The following SCUBE1 variants were observed in gnomAD, a reference collection of about 807,000 sequenced individuals.
SCUBE1 encodes signal peptide, CUB and EGF-like domain-containing protein 1.
Under a neutral mutation model 124.4 loss-of-function variants are expected in SCUBE1, and 59 were observed. The observed-to-expected ratio is 0.47, with a 90% CI of 0.38 to 0.59. The LOEUF is 0.59. SCUBE1 is among the 20% of genes least tolerant of loss of function. The pLI is 0.00. For missense variants in SCUBE1, 1,150 were observed against 1,371.2 expected (o/e 0.84, Z 2.55); for synonymous variants, 545 against 550.9 (o/e 0.99, Z 0.15).
At chr22:43,205,715 ACACT>A (rs1410461822) in intron 21 of SCUBE1, among the ~76,000 whole-genome samples, 1 of 52,776 alleles carries the variant, frequency 1.9e-5, no homozygotes, top group South Asian at 6.5e-4. Flanking sequence ...CACTCACCAC[ACACT>A]CACCCCCACA....
intron 3 of SCUBE1, among the ~76,000 whole-genome samples, chr22:43,311,497 T>C (rs561808916): frequency 6.6e-6 from 1 of 151,620 alleles, no homozygotes; most frequent in East Asian, 1.9e-4. Flanking sequence ...CTCGGCTCAT[T>C]GCAACCTCTG....
chr22:43,232,327 T>A (rs1922588072), intron 7 of SCUBE1: 1 of 166,920 alleles, frequency 6.0e-6, no homozygotes, highest in Non-Finnish European at 1.3e-5. Flanking sequence ...GTCTCCTGCT[T>A]GCAGAGCGAG....
chr22:43,282,822 A>C (rs987615597), intron 4 of SCUBE1: 3 of 151,882 alleles, frequency 2.0e-5, no homozygotes, highest in Non-Finnish European at 2.9e-5. Flanking sequence ...CAGCTTCCCA[A>C]GTAGCTGGGA....
chr22:43,339,293 C>CCCAGGGCA, intron 1 of SCUBE1, 58 bp from the exon 2 acceptor site: 1 of 1,574,476 alleles, frequency 6.4e-7, no homozygotes, highest in South Asian at 1.1e-5. Flanking sequence ...GGCAGGTGGC[C>CCCAGGGCA]GATAGTGTAG....
In SCUBE1 at chr22:43,258,146, C is replaced by A. The variant is rs1378229984; in HGVS notation, c.727+73G>T. On this transcript the variant is annotated intron_variant, in intron 6 of 21. Coordinates refer to ENST00000360835, the MANE Select transcript of SCUBE1 (RefSeq NM_173050.5). This position sits in a 1 kb window ranked among gnomAD's most constrained non-coding sequence, Gnocchi z 5.0. ...GAACCCGGACGTGGCAGGGTGCTGG[C>A]CCTGCTGGTGCACGCATGGGGGGTC... 3 of 1,038,940 alleles carry A rather than the reference C, an allele frequency of 2.9e-6. No individual in the cohort carries two copies. The highest frequency in any genetic ancestry group is 4.5e-6 in the Non-Finnish European group (3 of 667,580). 64.4% of individuals were successfully genotyped at this position (1,038,940 alleles called of 1,614,324 possible). A position where few individuals can be genotyped will look rare whatever the true frequency, so the allele number is the denominator to read the frequency against.
intron 2 of SCUBE1, among the ~76,000 whole-genome samples, chr22:43,323,353 T>C (rs749854040): frequency 1.2e-4 from 18 of 152,070 alleles, no homozygotes; most frequent in Non-Finnish European, 2.6e-4. Flanking sequence ...ACCCTCAACC[T>C]ATCCATTCAA....
At chr22:43,269,242 C>G (rs1924196714) in intron 4 of SCUBE1, among the ~76,000 whole-genome samples, 1 of 152,164 alleles carries the variant, frequency 6.6e-6, no homozygotes, top group Admixed American at 6.5e-5. Flanking sequence ...CTCTGACAGG[C>G]CCTGGCAGCC....
chr22:43,206,586 G>C (rs1921292716), intron 21 of SCUBE1, among the ~76,000 whole-genome samples: 1 of 152,060 alleles, frequency 6.6e-6, no homozygotes, highest in Admixed American at 6.5e-5. Flanking sequence ...GGTCCGGGCA[G>C]GCCGCCCAGA....
chr22:43,324,267 A>G (rs1385075741), intron 2 of SCUBE1, among the ~76,000 whole-genome samples: 2 of 152,232 alleles, frequency 1.3e-5, no homozygotes, highest in Non-Finnish European at 2.9e-5. Context: ...TAGTCAATAA[A>G]ACAACTCTAG....
chr22:43,325,879 T>C (rs1049022988), intron 2 of SCUBE1, among the ~76,000 whole-genome samples: 3 of 151,484 alleles, frequency 2.0e-5, no homozygotes, highest in African/African-American at 7.3e-5. Context: ...CACAACCCCA[T>C]GGCTGTGCTT....
intron 6 of SCUBE1, among the ~76,000 whole-genome samples, chr22:43,245,366 G>C (rs1301595617): frequency 1.3e-5 from 2 of 152,234 alleles, no homozygotes; most frequent in South Asian, 2.1e-4. Context: ...TCAATCCTGA[G>C]ACCTGTCTGC....
chr22:43,296,722 G>A (rs1457493897), intron 3 of SCUBE1, among the ~76,000 whole-genome samples: 1 of 152,226 alleles, frequency 6.6e-6, no homozygotes, highest in African/African-American at 2.4e-5. Context: ...AACTGTATCT[G>A]TGATTGTGCC....
rs148466068 is a variant in SCUBE1, at chr22:43,278,909, G to A, written c.484+12137C>T. Reference sequence around the variant, plus strand: ...GGCCTGTCGAGGACACCTGAGCTGCGGGAGGGTGGGGCTGGGCCTCCTGAG... The same window carrying A: ...GGCCTGTCGAGGACACCTGAGCTGCAGGAGGGTGGGGCTGGGCCTCCTGAG... On this transcript the variant is annotated intron_variant, in intron 4 of 21. Transcript: ENST00000360835. Among the ~76,000 whole-genome samples the A allele has an allele frequency of 3.1e-3, 477 of 152,260 alleles. 2 individuals are homozygous for A. Among genetic ancestry groups the A allele is most frequent in the African/African-American group, 0.011 (449 of 41,532 alleles).
chr22:43,227,363 C>A lies in SCUBE1; in HGVS notation c.1207+11G>T, dbSNP rs781146371. On this transcript the variant is annotated intron_variant, in intron 10 of 21. Transcript: ENST00000360835. ...CAGGGGAGGGGCCAGCAGCACAGGG[C>A]GGCCACCTACCCACGCAATCCTTCC... The A allele has an allele frequency of 1.2e-6, 2 of 1,605,670 alleles. No individual in the cohort carries two copies. Among genetic ancestry groups the A allele is most frequent in the South Asian group, 1.1e-5 (1 of 90,368 alleles).
intron 5 of SCUBE1, among the ~76,000 whole-genome samples, chr22:43,260,652 C>T (rs1164295587): frequency 6.6e-6 from 1 of 152,260 alleles, no homozygotes; most frequent in African/African-American, 2.4e-5. Context: ...TGGGCAGCTG[C>T]CTGTGCAGGC....
chr22:43,304,144 T>C (rs763856932), intron 3 of SCUBE1, among the ~76,000 whole-genome samples: 11 of 152,230 alleles, frequency 7.2e-5, no homozygotes, highest in Non-Finnish European at 1.3e-4. Flanking sequence ...TTGTTTCTCA[T>C]GACTCCCTGA....
chr22:43,323,502 A>G (rs1032068708), intron 2 of SCUBE1, among the ~76,000 whole-genome samples: 1 of 152,128 alleles, frequency 6.6e-6, no homozygotes, highest in Non-Finnish European at 1.5e-5. Context: ...TCACCCATAC[A>G]TCCAGACACG....
At chr22:43,339,272 T>G (rs1927188185) in intron 1 of SCUBE1, 37 bp from the exon 2 acceptor site, 2 of 1,604,588 alleles carry the variant, frequency 1.2e-6, no homozygotes, top group South Asian at 1.1e-5. Flanking sequence ...AGAGGTAAGG[T>G]GTGGCCCCAG....
chr22:43,214,810 G>A (rs2146659580), intron 15 of SCUBE1, among the ~76,000 whole-genome samples: 1 of 152,346 alleles, frequency 6.6e-6, no homozygotes, highest in Non-Finnish European at 1.5e-5. Context: ...TACGTCGACT[G>A]ATGAGTAAGT....
Sources: allele counts gnomAD v4.1 joint callset (sites outside exome capture counted in the v4.1 genomes callset), GRCh38; gene constraint gnomAD v4.1.1; non-coding constraint Gnocchi (gnomAD v3.1); transcripts MANE v1.5; gene names NCBI Gene and HGNC (gene_info 2026-07-23, HGNC 2026-07-21).